Variants in HSD17B2 observed in about 807,000 individuals in gnomAD.
HSD17B2 encodes hydroxysteroid 17-beta dehydrogenase 2.
A neutral mutation model predicts 26.9 loss-of-function variants in HSD17B2; 32 were observed. The observed-to-expected ratio is 1.19, with a 90% confidence interval of 0.90 to 1.60. The LOEUF (loss-of-function observed/expected upper bound fraction) is 1.60. HSD17B2 is among the 40% of genes most tolerant of loss of function. HSD17B2 has a pLI of 0.00. For missense variants in HSD17B2, 613 were observed against 468.6 expected (o/e 1.31, Z -2.85); for synonymous variants, 246 against 186.7 (o/e 1.32, Z -2.59).
Position 82,098,382 on chromosome 16 carries a change from C to T in HSD17B2, c.1110C>T (p.Asp370=). The T allele has an allele frequency of 6.2e-7, 1 of 1,614,036 alleles. No individual in the cohort carries two copies. The highest frequency in any genetic ancestry group is 8.5e-7 in the Non-Finnish European group (1 of 1,179,934). The change falls in exon 5 of 5, where the codon GAC becomes GAT. Residue 370 remains aspartate (D), a synonymous_variant. Coordinates refer to ENST00000199936, the MANE Select transcript of HSD17B2 (RefSeq NM_002153.3). ...DYFAKRHFGQ[D]KPMPRALRMP... is the part of the protein sequence containing the mutation. ...TTGCTAAAAGACATTTTGGCCAAGA[C>T]AAGCCCATGCCCAGAGCTCTAAGAA...
chr16:82,074,271 C>A (rs1176494947), intron 3 of HSD17B2, among the ~76,000 whole-genome samples: 1 of 152,168 alleles, frequency 6.6e-6, no homozygotes, highest in Admixed American at 6.5e-5. Flanking sequence ...ACCCACTCAC[C>A]AAGATGTATG....
chr16:82,059,205 T>C (rs188110724), intron 1 of HSD17B2, among the ~76,000 whole-genome samples: 4 of 152,362 alleles, frequency 2.6e-5, no homozygotes, highest in Admixed American at 1.3e-4. Flanking sequence ...ATTTATCCAA[T>C]GTGCATCTTC....
intron 1 of HSD17B2, among the ~76,000 whole-genome samples, chr16:82,062,795 C>T (rs1010103390): frequency 1.8e-4 from 28 of 152,224 alleles, no homozygotes; most frequent in Non-Finnish European, 1.5e-5. Flanking sequence ...TCCAACTTCT[C>T]ACGAAAGCCC....
intron 1 of HSD17B2, among the ~76,000 whole-genome samples, chr16:82,036,120 T>G (rs1013857226): frequency 5.3e-5 from 8 of 152,292 alleles, no homozygotes; most frequent in African/African-American, 1.7e-4. Context: ...AAGTTCTACT[T>G]GTCCCTTGCT....
Position 82,070,052 on chromosome 16 carries a change from C to T in HSD17B2, c.479-890C>T, listed in dbSNP as rs8191164. 6.2e-3 allele frequency among the ~76,000 whole-genome samples: 947 copies of T among 152,314 alleles called. 12 individuals are homozygous for T. The highest frequency in any genetic ancestry group is 0.022 in the African/African-American group (905 of 41,556). On this transcript the variant is annotated intron_variant, in intron 2 of 4. Coordinates refer to ENST00000199936, the MANE Select transcript of HSD17B2 (RefSeq NM_002153.3). ...TCTATTACTATATTGCCAACCTAAT[C>T]CTTCTTCTCCACGTATACAAAGTTA... is the stretch of plus-strand genomic sequence containing the variant.
At chr16:82,067,145 A>G (rs1023419647) in intron 1 of HSD17B2, among the ~76,000 whole-genome samples, 2 of 152,098 alleles carry the variant, frequency 1.3e-5, no homozygotes, top group African/African-American at 2.4e-5. Flanking sequence ...CCACTCACAT[A>G]CTGATCTTTG....
chr16:82,088,123 T>C (rs1198884303), intron 3 of HSD17B2, among the ~76,000 whole-genome samples: 2 of 152,196 alleles, frequency 1.3e-5, no homozygotes, highest in African/African-American at 2.4e-5. Context: ...AAAAGATTAC[T>C]TGAATAAGTA....
chr16:82,038,507 G>T (rs768297759), intron 1 of HSD17B2, among the ~76,000 whole-genome samples: 1 of 152,178 alleles, frequency 6.6e-6, no homozygotes, highest in Admixed American at 6.5e-5. Context: ...GTGCTACCAC[G>T]TTGGGCTAAT....
chr16:82,086,473 G>A (rs1440437229), intron 3 of HSD17B2, among the ~76,000 whole-genome samples: 2 of 152,094 alleles, frequency 1.3e-5, no homozygotes, highest in African/African-American at 2.4e-5. Context: ...CAATGTAAAG[G>A]AAATAAAATG....
At chr16:82,066,090 G>T (rs939785428) in intron 1 of HSD17B2, among the ~76,000 whole-genome samples, 2 of 152,096 alleles carry the variant, frequency 1.3e-5, no homozygotes, top group Non-Finnish European at 2.9e-5. Flanking sequence ...TCACAAAATG[G>T]TTATACACAT....
At chr16:82,058,036 T>C (rs1914324300) in intron 1 of HSD17B2, among the ~76,000 whole-genome samples, 1 of 152,100 alleles carries the variant, frequency 6.6e-6, no homozygotes, top group East Asian at 1.9e-4. Context: ...AAGATGTAAC[T>C]ACATCATACT....
chr16:82,084,556 TA>T (rs1002420144), intron 3 of HSD17B2, among the ~76,000 whole-genome samples: 7 of 132,932 alleles, frequency 5.3e-5, no homozygotes, highest in East Asian at 2.0e-4. Flanking sequence ...TTTTTATTAT[TA>T]TTTTTTTTAT....
At chr16:82,097,159 G>C (rs1904863069) in intron 4 of HSD17B2, 1 of 151,894 alleles carries the variant, frequency 6.6e-6, no homozygotes, top group South Asian at 2.1e-4. Flanking sequence ...CTCCCGAATA[G>C]CTGGGACTAG....
At chr16:82,073,673 C>G (rs1365787230) in intron 3 of HSD17B2, among the ~76,000 whole-genome samples, 1 of 152,010 alleles carries the variant, frequency 6.6e-6, no homozygotes, top group Non-Finnish European at 1.5e-5. Flanking sequence ...ACAAGGAAGA[C>G]TACAAAACAC....
chr16:82,091,436 T>C (rs773874944), intron 4 of HSD17B2: 1 of 251,236 alleles, frequency 4.0e-6, no homozygotes, highest in Non-Finnish European at 7.8e-6. Context: ...TGATCCTTGA[T>C]GATTCAGTTC....
intron 3 of HSD17B2, among the ~76,000 whole-genome samples, chr16:82,083,512 G>A (rs1199950653): frequency 6.6e-6 from 1 of 152,010 alleles, no homozygotes; most frequent in Non-Finnish European, 1.5e-5. Context: ...CTTCTTCTGG[G>A]GTCCATGGAG....
chr16:82,077,305 G>C (rs1019870197), intron 3 of HSD17B2, among the ~76,000 whole-genome samples: 9 of 152,296 alleles, frequency 5.9e-5, no homozygotes, highest in African/African-American at 2.2e-4. Context: ...CATGGTACCA[G>C]CATGAAAACA....
chr16:82,063,458 C>A (rs74029369), intron 1 of HSD17B2, among the ~76,000 whole-genome samples: 2 of 151,986 alleles, frequency 1.3e-5, no homozygotes. Context: ...GGGCTAGACT[C>A]GCACCCATTC....
intron 1 of HSD17B2, among the ~76,000 whole-genome samples, chr16:82,059,971 A>G (rs1466195553): frequency 6.6e-6 from 1 of 152,206 alleles, no homozygotes; most frequent in East Asian, 1.9e-4. Context: ...TCCTCACCCG[A>G]CAACTGTTAT....
Sources: gnomAD v4.1 joint callset for allele counts (sites outside exome capture counted in the v4.1 genomes callset) on GRCh38, gnomAD v4.1.1 for gene constraint, MANE v1.5 for transcripts, NCBI Gene and HGNC (gene_info 2026-07-23, HGNC 2026-07-21) for gene names.